PTPRA: variants seen among roughly 807,000 people sequenced by gnomAD.
PTPRA encodes receptor-type tyrosine-protein phosphatase alpha.
Under a neutral mutation model 104.8 loss-of-function variants are expected in PTPRA, and 25 were observed. The observed-to-expected ratio is 0.24, with a 90% CI of 0.17 to 0.33. The LOEUF is 0.33. Among genes scored for constraint, PTPRA ranks in the 10% least tolerant of loss-of-function variants. PTPRA has a pLI of 1.00. For synonymous variants in PTPRA, 323 were observed against 368.9 expected (o/e 0.88, Z 1.43); for missense variants, 765 against 1,015.3 (o/e 0.75, Z 3.35).
chr20:2,892,694 T>C (rs1412526015), intron 1 of PTPRA, among the ~76,000 whole-genome samples: 1 of 152,182 alleles, frequency 6.6e-6, no homozygotes, highest in African/African-American at 2.4e-5. Context: ...GTAGGTAAAG[T>C]GTGTTAAATG....
At chr20:3,006,937 C>T (rs1420363530) in intron 10 of PTPRA, among the ~76,000 whole-genome samples, 7 of 151,966 alleles carry the variant, frequency 4.6e-5, no homozygotes, top group Non-Finnish European at 1.0e-4. Flanking sequence ...GCCTTGTCTT[C>T]TTATTTATGT....
chr20:2,901,890 C>CT (rs766887157), intron 1 of PTPRA, among the ~76,000 whole-genome samples: 416 of 142,846 alleles, frequency 2.9e-3, no homozygotes, highest in East Asian at 6.4e-3. Flanking sequence ...GTGATTTTTT[C>CT]TTTTTTTTTT....
At chr20:2,956,163 A>G (rs1468429779) in intron 3 of PTPRA, among the ~76,000 whole-genome samples, 3 of 152,200 alleles carry the variant, frequency 2.0e-5, no homozygotes, top group Non-Finnish European at 4.4e-5. Context: ...TACTTCAGAA[A>G]GCTTCAGTCA....
At chr20:3,018,664 T>G (rs1227023351) in intron 13 of PTPRA, among the ~76,000 whole-genome samples, 1 of 151,630 alleles carries the variant, frequency 6.6e-6, no homozygotes, top group Non-Finnish European at 1.5e-5. Flanking sequence ...TTCTCAATCT[T>G]TTCCCCACCT....
At chr20:2,873,338 C>A (rs1017187845), upstream of PTPRA, 17 of 152,266 alleles carry the variant, frequency 1.1e-4, no homozygotes, top group Admixed American at 3.9e-4. The surrounding 1 kb of genome is among the most constrained non-coding windows in gnomAD (Gnocchi z 4.4). Flanking sequence ...AACGTGCGAC[C>A]GGGTTCGGCG....
upstream of PTPRA, among the ~76,000 whole-genome samples, chr20:2,870,135 G>C (rs1460257176): frequency 1.3e-5 from 2 of 151,870 alleles, no homozygotes; most frequent in Non-Finnish European, 2.9e-5. Context: ...TTGGGAGGCT[G>C]AGGCAGGCAG....
At chr20:2,906,483 A>G (rs1346426276) in intron 1 of PTPRA, among the ~76,000 whole-genome samples, 1 of 152,214 alleles carries the variant, frequency 6.6e-6, no homozygotes, top group Non-Finnish European at 1.5e-5. Flanking sequence ...CAAGGGTAAT[A>G]CGTACGTTCT....
At chr20:2,869,103 AACAT>A (rs1422494353), upstream of PTPRA, among the ~76,000 whole-genome samples, 1 of 152,212 alleles carries the variant, frequency 6.6e-6, no homozygotes, top group Admixed American at 6.5e-5. Flanking sequence ...AAAACTTTCA[AACAT>A]ACAGCCAGGT....
chr20:2,868,073 C>T, the PTPRA span, among the ~76,000 whole-genome samples: 1 of 152,298 alleles, frequency 6.6e-6, no homozygotes, highest in East Asian at 1.9e-4. Flanking sequence ...CTAACTCACA[C>T]ACTTGGTGAG....
At chr20:2,998,623 A>G (rs1029384304) in intron 9 of PTPRA, among the ~76,000 whole-genome samples, 5 of 152,160 alleles carry the variant, frequency 3.3e-5, no homozygotes, top group Admixed American at 6.5e-5. Flanking sequence ...GTCGTTTTAA[A>G]CAGAACTGTT....
intron 1 of PTPRA, among the ~76,000 whole-genome samples, chr20:2,904,414 T>C (rs541370556): frequency 1.3e-5 from 2 of 152,092 alleles, no homozygotes; most frequent in Non-Finnish European, 2.9e-5. Context: ...CTCATGCCTA[T>C]AATCCCAGCA....
chr20:3,005,103 G>A lies in PTPRA; in HGVS notation c.786G>A (p.Lys262=). 1 of 1,612,172 alleles carries A rather than the reference G, an allele frequency of 6.2e-7. No homozygotes were observed. Among genetic ancestry groups the A allele is most frequent in the Non-Finnish European group, 8.5e-7 (1 of 1,178,238 alleles). The part of the protein sequence containing the change: ...PIQATCEAAS[K]EENKEKNRYV... Reference sequence around the variant, plus strand: ...AGGCCACCTGTGAGGCTGCTTCCAAGGAGGAAAACAAGGAAAAAAATCGAT... The same window carrying A: ...AGGCCACCTGTGAGGCTGCTTCCAAAGAGGAAAACAAGGAAAAAAATCGAT... The change falls in exon 10 of 24, where the codon AAG becomes AAA. Residue 262 remains lysine (K), a synonymous_variant. Coordinates refer to ENST00000399903, the MANE Select transcript of PTPRA (RefSeq NM_001385305.1).
intron 3 of PTPRA, among the ~76,000 whole-genome samples, chr20:2,957,711 T>G (rs1217734709): frequency 6.6e-6 from 1 of 152,170 alleles, no homozygotes; most frequent in Non-Finnish European, 1.5e-5. Context: ...TTTCTGGATA[T>G]AGTGACTGGG....
At chr20:2,926,256 G>C (rs1481970440) in intron 2 of PTPRA, among the ~76,000 whole-genome samples, 2 of 152,112 alleles carry the variant, frequency 1.3e-5, no homozygotes, top group African/African-American at 2.4e-5. Flanking sequence ...CCATGAACTG[G>C]GTGGCTTAAA....
intron 10 of PTPRA, among the ~76,000 whole-genome samples, chr20:3,006,632 CT>C (rs1318330388): frequency 6.6e-6 from 1 of 152,080 alleles, no homozygotes; most frequent in African/African-American, 2.4e-5. Flanking sequence ...TTTACAGATA[CT>C]TTTGTCTTTT....
intron 5 of PTPRA, among the ~76,000 whole-genome samples, chr20:2,974,030 C>T (rs1232958442): frequency 1.3e-5 from 2 of 150,916 alleles, no homozygotes; most frequent in Non-Finnish European, 2.9e-5. Context: ...CTGCTCACCG[C>T]AAGCTCTGCC....
At position 3,011,377 on chromosome 20, in the gene PTPRA, G is replaced by A. The variant is rs1338036900; in HGVS notation, c.906+3957G>A. Among the ~76,000 whole-genome samples the A allele has an allele frequency of 2.6e-5, 4 of 152,240 alleles. No homozygotes were observed. In the East Asian group the frequency reaches 7.7e-4, roughly 29 times the overall value. Reference sequence around the variant, plus strand: ...ACTGTGGGTAGGCTTAAAGGTTACAGAGGTAAGATGTAATCCCTCATATAC... The same window carrying A: ...ACTGTGGGTAGGCTTAAAGGTTACAAAGGTAAGATGTAATCCCTCATATAC... On this transcript the variant is annotated intron_variant, in intron 11 of 23. Transcript: ENST00000399903.
Position 3,037,573 on chromosome 20 carries a change from CCATGAAGAGTACCTGCCT to C in PTPRA, c.2334+285_2334+302del, listed in dbSNP as rs2065863009. Among the ~76,000 whole-genome samples the C allele has an allele frequency of 6.6e-6, 1 of 152,194 alleles. No homozygotes were observed. The highest frequency in any genetic ancestry group is 1.5e-5 in the Non-Finnish European group (1 of 68,040). On this transcript the variant is annotated intron_variant, in intron 23 of 23. Coordinates refer to ENST00000399903, the MANE Select transcript of PTPRA (RefSeq NM_001385305.1). This position sits in a 1 kb window ranked among gnomAD's most constrained non-coding sequence, Gnocchi z 4.3. ...TCTGTGGGTCTTGGGTAAGGAAGAT[CCATGAAGAGTACCTGCCT>C]TTGGGCTTGGGCTCCCTGTTAAGAG... is the stretch of plus-strand genomic sequence containing the variant.
intron 1 of PTPRA, among the ~76,000 whole-genome samples, chr20:2,919,420 G>A (rs1183648772): frequency 6.6e-6 from 1 of 152,178 alleles, no homozygotes; most frequent in Non-Finnish European, 1.5e-5. Flanking sequence ...GGCCTTTCAT[G>A]GTGGTGGAAT....
Sources: allele counts gnomAD v4.1 joint callset (sites outside exome capture counted in the v4.1 genomes callset), GRCh38; gene constraint gnomAD v4.1.1; non-coding constraint Gnocchi (gnomAD v3.1); transcripts MANE v1.5; gene names NCBI Gene and HGNC (gene_info 2026-07-23, HGNC 2026-07-21).